VAT1L: variants seen among roughly 807,000 people sequenced by gnomAD.
VAT1L encodes putative NADPH-dependent quinone oxidoreductase VAT1L.
VAT1L carries 34 observed loss-of-function variants against 44.1 expected under a neutral mutation model. That is an observed-to-expected ratio of 0.77 (90% CI 0.59 to 1.03). The LOEUF is 1.03. VAT1L is among the 50% of genes least tolerant of loss of function. The pLI is 0.00. For synonymous variants in VAT1L, 253 were observed against 202.2 expected, an observed-to-expected ratio of 1.25 and a Z score of -2.13; for missense variants, 615 against 538.8, an observed-to-expected ratio of 1.14 and a Z score of -1.40.
intron 1 of VAT1L, among the ~76,000 whole-genome samples, chr16:77,804,978 G>A (rs532392585): frequency 1.3e-5 from 2 of 152,242 alleles, no homozygotes; most frequent in East Asian, 1.9e-4. Flanking sequence ...TGGCTGCAGT[G>A]GCTTGCTTAT....
At chr16:77,829,382 T>C (rs1303512704) in intron 3 of VAT1L, among the ~76,000 whole-genome samples, 2 of 152,210 alleles carry the variant, frequency 1.3e-5, no homozygotes, top group African/African-American at 2.4e-5. Context: ...TGTCCGAGTT[T>C]CATCAAAGGC....
At chr16:77,912,487 G>A (rs536682345) in intron 7 of VAT1L, among the ~76,000 whole-genome samples, 138 of 151,992 alleles carry the variant, frequency 9.1e-4, no homozygotes, top group Admixed American at 1.4e-3. Flanking sequence ...ACATGGTCAC[G>A]GCTCACTGCA....
At chr16:77,826,050 G>A (rs111453307) in intron 3 of VAT1L, among the ~76,000 whole-genome samples, 36,517 of 44,676 alleles carry the variant, frequency 0.82, 15,184 homozygotes, top group South Asian at 0.89. Flanking sequence ...AAAAAAAAAA[G>A]AAAGAAATTA....
intron 7 of VAT1L, among the ~76,000 whole-genome samples, chr16:77,930,319 T>C (rs1378492546): frequency 6.6e-6 from 1 of 152,194 alleles, no homozygotes; most frequent in Non-Finnish European, 1.5e-5. Flanking sequence ...TCATTACTGA[T>C]GTTCTTTGGG....
chr16:77,824,551 C>G (rs1158283879), intron 2 of VAT1L, among the ~76,000 whole-genome samples: 1 of 151,804 alleles, frequency 6.6e-6, no homozygotes, highest in African/African-American at 2.4e-5. Context: ...GTCAGGAGAT[C>G]GAGACCATCC....
intron 7 of VAT1L, among the ~76,000 whole-genome samples, chr16:77,957,864 C>G (rs2018120847): frequency 2.0e-5 from 3 of 151,644 alleles, no homozygotes; most frequent in African/African-American, 7.3e-5. Flanking sequence ...CAGGTTGTTA[C>G]TTTAACCCCT....
At chr16:77,910,673 C>CAAAAA (rs3038773) in intron 7 of VAT1L, among the ~76,000 whole-genome samples, 11 of 82,954 alleles carry the variant, frequency 1.3e-4, no homozygotes, top group African/African-American at 1.4e-4. Context: ...GACTCCTTCT[C>CAAAAA]AAAAAAAAAA....
Position 77,862,790 on chromosome 16 carries a change from A to G in VAT1L, c.622A>G (p.Thr208Ala). Reference sequence around the variant, plus strand: ...GCTGTGTTCCACTGTCCCCAACGTGACTGTCTTTGGAACAGCCTCTACTTT... The same window carrying G: ...GCTGTGTTCCACTGTCCCCAACGTGGCTGTCTTTGGAACAGCCTCTACTTT... ...AQLCSTVPNVTVFGTASTFKH... is the reference protein window; with the variant it reads ...AQLCSTVPNVAVFGTASTFKH... The change falls in exon 4 of 9, where the codon ACT (threonine) becomes GCT (alanine). Residue 208 changes from threonine to alanine, a missense_variant. Coordinates refer to ENST00000302536, the MANE Select transcript of VAT1L (RefSeq NM_020927.3). 2 of 1,614,010 alleles carry G rather than the reference A, an allele frequency of 1.2e-6. No homozygotes were observed. Among genetic ancestry groups the G allele is most frequent in the Non-Finnish European group, 1.7e-6 (2 of 1,179,992 alleles).
intron 2 of VAT1L, among the ~76,000 whole-genome samples, chr16:77,817,407 A>G (rs1252331752): frequency 6.6e-6 from 1 of 152,214 alleles, no homozygotes; most frequent in East Asian, 1.9e-4. Flanking sequence ...TCAAAATGCA[A>G]CTACAAAACA....
chr16:77,948,095 C>G (rs1452078729), intron 7 of VAT1L, among the ~76,000 whole-genome samples: 3 of 152,148 alleles, frequency 2.0e-5, no homozygotes, highest in Non-Finnish European at 2.9e-5. Flanking sequence ...AAAAGTAGTT[C>G]TTCTCTAAAC....
chr16:77,851,278 G>A (rs186953862), intron 3 of VAT1L, among the ~76,000 whole-genome samples: 6 of 152,076 alleles, frequency 3.9e-5, no homozygotes, highest in Non-Finnish European at 8.8e-5. Context: ...AATCCCAGAG[G>A]GTGTGAAAAA....
chr16:77,954,396 A>G (rs115445247), intron 7 of VAT1L, among the ~76,000 whole-genome samples: 13,508 of 152,184 alleles, frequency 0.089, 697 homozygotes, highest in African/African-American at 0.13. Context: ...GGAAGCCCAG[A>G]CAGGCGGATC....
intron 3 of VAT1L, among the ~76,000 whole-genome samples, chr16:77,844,787 T>C (rs1267316845): frequency 6.6e-6 from 1 of 152,018 alleles, no homozygotes; most frequent in East Asian, 1.9e-4. Flanking sequence ...CACACAAGGA[T>C]ACTGGGGATG....
intron 2 of VAT1L, among the ~76,000 whole-genome samples, chr16:77,820,335 G>A (rs1266247937): frequency 6.6e-6 from 1 of 152,112 alleles, no homozygotes; most frequent in African/African-American, 2.4e-5. Flanking sequence ...CTTGGCTGAG[G>A]CTACTTCCAG....
At chr16:77,959,913 T>C (rs147819322) in intron 7 of VAT1L, among the ~76,000 whole-genome samples, 352 of 152,220 alleles carry the variant, frequency 2.3e-3, no homozygotes, top group African/African-American at 8.1e-3. Flanking sequence ...CTTTTGCTCT[T>C]TTGTCCCCAA....
intron 5 of VAT1L, among the ~76,000 whole-genome samples, chr16:77,878,837 C>G (rs1346825719): frequency 6.6e-6 from 1 of 152,224 alleles, no homozygotes; most frequent in African/African-American, 2.4e-5. Context: ...GTTCCTTTCT[C>G]AGCCTCAAAG....
intron 1 of VAT1L, among the ~76,000 whole-genome samples, chr16:77,797,725 C>T (rs144584257): frequency 1.9e-3 from 295 of 152,292 alleles, no homozygotes; most frequent in Non-Finnish European, 2.3e-3. Context: ...AATAGTGCCC[C>T]GATGACCTCC....
At chr16:77,871,063 T>C (rs1036764029) in intron 4 of VAT1L, among the ~76,000 whole-genome samples, 2 of 152,182 alleles carry the variant, frequency 1.3e-5, no homozygotes, top group African/African-American at 4.8e-5. Context: ...GTGGAGCACT[T>C]TTCAATTTTG....
intron 7 of VAT1L, among the ~76,000 whole-genome samples, chr16:77,936,286 G>T (rs1485341499): frequency 6.6e-6 from 1 of 152,098 alleles, no homozygotes. Context: ...AAACCCTCTG[G>T]GACAATTTTC....
Sources: gnomAD v4.1 joint callset for allele counts (sites outside exome capture counted in the v4.1 genomes callset) on GRCh38, gnomAD v4.1.1 for gene constraint, MANE v1.5 for transcripts, NCBI Gene and HGNC (gene_info 2026-07-23, HGNC 2026-07-21) for gene names.